The following LRP1B variants were observed in gnomAD, a reference collection of about 807,000 sequenced individuals.
The protein encoded by LRP1B is LDL receptor related protein 1B.
Under a neutral mutation model 556.6 loss-of-function variants are expected in LRP1B, and 217 were observed. The ratio of observed to expected loss-of-function variants is 0.39; its 90% CI spans 0.35 to 0.44. The LOEUF is 0.44. LRP1B is among the 20% of genes least tolerant of loss of function. LRP1B has a pLI of 1.00. For synonymous variants in LRP1B, 2,047 were observed against 1,865.8 expected (o/e 1.10, Z -2.50); for missense variants, 5,053 against 5,620.8 (o/e 0.90, Z 3.23).
chr2:140,571,083 TTAAGAACTGGAACAAGA>T (rs2105105734), intron 43 of LRP1B, among the ~76,000 whole-genome samples: 1 of 151,924 alleles, frequency 6.6e-6, no homozygotes, highest in African/African-American at 2.4e-5. Flanking sequence ...AGCTTTTTCT[TTAAGAACTGGAACAAGA>T]TAAGAATGCA....
intron 27 of LRP1B, among the ~76,000 whole-genome samples, chr2:140,866,533 A>G (rs889968145): frequency 6.6e-5 from 10 of 152,096 alleles, no homozygotes; most frequent in African/African-American, 2.4e-4. Context: ...TAGAAACCAT[A>G]TGTATAGAAA....
chr2:140,680,381 T>A (rs1429808996), intron 41 of LRP1B, among the ~76,000 whole-genome samples: 2 of 152,098 alleles, frequency 1.3e-5, no homozygotes, highest in Admixed American at 6.5e-5. Context: ...TTGGTCTGCA[T>A]CTCGTTATTG....
chr2:141,488,173 C>G (rs949171303), intron 2 of LRP1B, among the ~76,000 whole-genome samples: 1 of 118,046 alleles, frequency 8.5e-6, no homozygotes. Context: ...CAAGGACTTA[C>G]ATTTATTTGT....
At chr2:141,463,572 T>TATATATTA (rs1559083827) in intron 3 of LRP1B, among the ~76,000 whole-genome samples, 94 of 92,444 alleles carry the variant, frequency 1.0e-3, no homozygotes, top group Middle Eastern at 5.0e-3. Context: ...ATATTATATA[T>TATATATTA]TATATATAAT....
chr2:142,025,034 C>A (rs751118684), intron 1 of LRP1B, among the ~76,000 whole-genome samples: 13 of 152,040 alleles, frequency 8.6e-5, no homozygotes, highest in Admixed American at 3.3e-4. Flanking sequence ...AAAACCAAAG[C>A]AGAGGAAATT....
intron 35 of LRP1B, among the ~76,000 whole-genome samples, chr2:140,751,246 G>A (rs942515417): frequency 6.6e-6 from 1 of 152,064 alleles, no homozygotes; most frequent in Non-Finnish European, 1.5e-5. Context: ...GCCTGCCTTG[G>A]CCTCCCAAAG....
At chr2:140,981,304 T>G (rs116580624) in intron 18 of LRP1B, among the ~76,000 whole-genome samples, 103 of 151,138 alleles carry the variant, frequency 6.8e-4, no homozygotes, top group Non-Finnish European at 1.3e-3. Flanking sequence ...TTTTCTACTA[T>G]TAAAAGTATA....
intron 2 of LRP1B, among the ~76,000 whole-genome samples, chr2:141,599,859 T>C (rs143060889): frequency 5.3e-4 from 81 of 152,282 alleles, no homozygotes; most frequent in African/African-American, 1.9e-3. Flanking sequence ...TGCCTACACA[T>C]GTCCCCACAC....
intron 18 of LRP1B, among the ~76,000 whole-genome samples, chr2:140,963,539 A>G (rs1168619817): frequency 1.3e-5 from 2 of 152,158 alleles, no homozygotes; most frequent in African/African-American, 4.8e-5. Flanking sequence ...TGAAACAACA[A>G]AATATCTGTC....
At chr2:141,628,619 A>G (rs530915823) in intron 2 of LRP1B, among the ~76,000 whole-genome samples, 1 of 152,242 alleles carries the variant, frequency 6.6e-6, no homozygotes, top group Admixed American at 6.5e-5. Flanking sequence ...GGAGATGGGC[A>G]GAAGCTATAA....
intron 18 of LRP1B, 22 bp from the exon 19 acceptor site, chr2:140,951,962 C>A (rs1695729789): frequency 1.9e-6 from 3 of 1,543,778 alleles, no homozygotes; most frequent in Non-Finnish European, 2.7e-6. Flanking sequence ...ATAAAAATGT[C>A]CAAAAGGTAA....
intron 1 of LRP1B, among the ~76,000 whole-genome samples, chr2:141,975,879 T>C (rs1701872607): frequency 6.6e-6 from 1 of 152,130 alleles, no homozygotes; most frequent in Non-Finnish European, 1.5e-5. Context: ...TTTATTCCCT[T>C]CTCAGTGAGT....
At chr2:141,514,554 G>T (rs1239143935) in intron 2 of LRP1B, among the ~76,000 whole-genome samples, 1 of 152,118 alleles carries the variant, frequency 6.6e-6, no homozygotes, top group African/African-American at 2.4e-5. Context: ...GTAGATATAA[G>T]CTGGGCACAG....
At chr2:140,506,969 TC>T (rs1689444427) in intron 52 of LRP1B, 51 bp from the exon 53 acceptor site, 1 of 1,573,366 alleles carries the variant, frequency 6.4e-7, no homozygotes, top group Non-Finnish European at 8.7e-7. Flanking sequence ...TATGTTATCT[TC>T]CCCTATATTA....
At chr2:140,939,974 C>T (rs1387286297) in intron 20 of LRP1B, among the ~76,000 whole-genome samples, 2 of 151,110 alleles carry the variant, frequency 1.3e-5, no homozygotes, top group African/African-American at 4.9e-5. Flanking sequence ...CAACCTCCAC[C>T]TCCCAGGTTC....
At chr2:141,674,312 T>G (rs886905480) in intron 2 of LRP1B, among the ~76,000 whole-genome samples, 2 of 152,078 alleles carry the variant, frequency 1.3e-5, no homozygotes, top group Admixed American at 1.3e-4. Flanking sequence ...AATAATCATT[T>G]TAAGACTTGC....
chr2:141,064,012 C>T (rs981702269), intron 7 of LRP1B, among the ~76,000 whole-genome samples: 5 of 151,888 alleles, frequency 3.3e-5, no homozygotes, highest in Admixed American at 3.3e-4. Flanking sequence ...GAAGCCTTCT[C>T]TAAAGTCATC....
At chr2:140,706,653 A>G (rs963798606) in intron 37 of LRP1B, among the ~76,000 whole-genome samples, 2 of 152,070 alleles carry the variant, frequency 1.3e-5, no homozygotes, top group Admixed American at 6.6e-5. Flanking sequence ...TTAATTTCCA[A>G]CTGATTATTG....
intron 2 of LRP1B, among the ~76,000 whole-genome samples, chr2:141,803,114 C>T (rs1301184390): frequency 6.6e-6 from 1 of 151,440 alleles, no homozygotes; most frequent in Non-Finnish European, 1.5e-5. Context: ...ATCAGGAGAC[C>T]GAAAAGCACT....
Sources: allele counts gnomAD v4.1 joint callset (sites outside exome capture counted in the v4.1 genomes callset), GRCh38; gene constraint gnomAD v4.1.1; transcripts MANE v1.5; gene names NCBI Gene and HGNC (gene_info 2026-07-23, HGNC 2026-07-21).